The following THOP1 variants were observed in gnomAD, a reference collection of about 807,000 sequenced individuals.
THOP1 encodes thimet oligopeptidase 1.
In THOP1, 49 loss-of-function variants were observed where a neutral mutation model predicts 71.8. The ratio of observed to expected loss-of-function variants is 0.68; its 90% confidence interval spans 0.54 to 0.87. The LOEUF (loss-of-function observed/expected upper bound fraction) is 0.87, where lower values mean the gene tolerates loss of function less well. Among genes scored for constraint, THOP1 ranks in the 40% least tolerant of loss-of-function variants. THOP1 has a pLI of 0.00. For missense variants in THOP1, 843 were observed against 975.6 expected (o/e 0.86, Z 1.81); for synonymous variants, 426 against 421.5 (o/e 1.01, Z -0.13).
chr19:2,810,732 C>T lies in THOP1; in HGVS notation c.1735C>T (p.Leu579Phe). ...AGACCCCGCCGAGGAGTATGCGCGG[C>T]TCTGCCAGGAGATCCTCGGGGTCCC... ...DADPAEEYAR[L>F]CQEILGVPAT... The change falls in exon 11 of 13, where the codon CTC becomes TTC. Residue 579 changes from leucine (L) to phenylalanine (F), a missense_variant. Coordinates refer to ENST00000307741, the MANE Select transcript of THOP1 (RefSeq NM_003249.5). 2 of 1,599,612 alleles carry T rather than the reference C, an allele frequency of 1.3e-6. No individual in the cohort carries two copies. Among genetic ancestry groups the T allele is most frequent in the East Asian group, 2.2e-5 (1 of 44,484 alleles).
rs753018628 is a variant in THOP1 at position 2,808,371 on chromosome 19, C to T, written c.1382C>T (p.Ser461Leu). Residue 461 changes from serine (S) to leucine (L), a missense_variant, in exon 9 of 13, where the codon TCG becomes TTG. Transcript: ENST00000307741. ...ACCAAGCCCACAGCCGACGCGCCCT[C>T]GCTGCTGCAGCATGACGAGGTGGAG... ...NFTKPTADAP[S>L]LLQHDEVETY... The T allele has an allele frequency of 3.7e-6, 6 of 1,610,996 alleles. No individual in the cohort carries two copies. The highest frequency in any genetic ancestry group is 3.3e-5 in the Admixed American group (2 of 59,822).
intron 1 of THOP1, among the ~76,000 whole-genome samples, chr19:2,788,799 C>T (rs1051270408): frequency 1.3e-5 from 2 of 151,640 alleles, no homozygotes; most frequent in East Asian, 1.9e-4. Context: ...CTTGCTTTGT[C>T]GCCTAGGCTA....
chr19:2,812,549 C>T (rs1916504828), intron 12 of THOP1, among the ~76,000 whole-genome samples: 3 of 152,214 alleles, frequency 2.0e-5, no homozygotes, highest in Admixed American at 6.5e-5. Flanking sequence ...GGGGTCCCAC[C>T]TCTGAGGACC....
chr19:2,805,522 CT>C lies in THOP1; in HGVS notation c.750+348del, dbSNP rs1160760177. On this transcript the variant is annotated intron_variant, in intron 6 of 12. Coordinates refer to ENST00000307741, the MANE Select transcript of THOP1 (RefSeq NM_003249.5). The surrounding 1 kb of genome is among the most constrained non-coding windows in gnomAD (Gnocchi z 6.6). ...TGTCAGCCCAGATCATTCCTTTTGT[CT>C]TAAATGATGGTGCCCGGACCTGAGC... Among the ~76,000 whole-genome samples the C allele has an allele frequency of 1.3e-5, 2 of 152,214 alleles. No homozygotes were observed. The highest frequency in any genetic ancestry group is 2.4e-5 in the African/African-American group (1 of 41,448).
In THOP1 at chr19:2,805,168, T is replaced by C. The variant is rs574104983; in HGVS notation, c.742T>C (p.Cys248Arg). 13 of 1,611,652 alleles carry C rather than the reference T, an allele frequency of 8.1e-6. No homozygotes were observed. Among genetic ancestry groups the C allele is most frequent in the Non-Finnish European group, 1.1e-5 (13 of 1,179,404 alleles). Residue 248 changes from cysteine to arginine, a missense_variant, in exon 6 of 13, where the codon TGC becomes CGC. Physicochemically the swap from Cys to Arg is radical, Grantham distance 180. Coordinates refer to ENST00000307741, the MANE Select transcript of THOP1 (RefSeq NM_003249.5). This position sits in a 1 kb window ranked among gnomAD's most constrained non-coding sequence, Gnocchi z 6.6. Reference sequence around the variant, plus strand: ...AGTGGAGGAGGCCTTCAACTGCCGGTGCAAGGAGGTGAGAAGGCACGGCCA... The same window carrying C: ...AGTGGAGGAGGCCTTCAACTGCCGGCGCAAGGAGGTGAGAAGGCACGGCCA... Reference protein sequence around the residue: ...RKVEEAFNCRCKEENCAILKE... With the variant: ...RKVEEAFNCRRKEENCAILKE...
At position 2,796,137 on chromosome 19, in the gene THOP1, A is replaced by C. The variant is rs750356105; in HGVS notation, c.435A>C (p.Leu145=). Residue 145 remains leucine, a synonymous_variant, in exon 4 of 13, where the codon CTA becomes CTC. Coordinates refer to ENST00000307741, the MANE Select transcript of THOP1 (RefSeq NM_003249.5). The part of the protein sequence containing the change: ...RPEAARYLER[L]IKLGRRNGLH... ...AGGCTGCGCGGTACCTGGAGCGGCT[A>C]ATCAAGCTGGGCCGGAGAAATGGGC... 41 of 1,613,808 alleles carry C rather than the reference A, an allele frequency of 2.5e-5. No individual in the cohort carries two copies. Among genetic ancestry groups the C allele is most frequent in the Non-Finnish European group, 3.3e-5 (39 of 1,179,992 alleles).
intron 12 of THOP1, chr19:2,812,154 G>C: frequency 6.8e-7 from 1 of 1,469,110 alleles, no homozygotes. Context: ...CCCTTCTCTG[G>C]AGAAGGCTTG....
chr19:2,807,920 G>A, intron 8 of THOP1, 112 bp downstream of exon 8: 1 of 1,267,774 alleles, frequency 7.9e-7, no homozygotes, highest in South Asian at 1.6e-5. Context: ...TGGGGCCTCG[G>A]GGATGAACCC....
rs1444059805 is a variant in THOP1 at position 2,804,661 on chromosome 19, T to G, written c.590-355T>G. On this transcript the variant is annotated intron_variant, in intron 5 of 12. Transcript: ENST00000307741. The surrounding 1 kb of genome is among the most constrained non-coding windows in gnomAD (Gnocchi z 4.7). ...CTCCTCCCTTCACACATGAGGTTGGTGACGGCGCCCTGGAAGCCCACGATG... is the reference window on the plus strand; with the variant it reads ...CTCCTCCCTTCACACATGAGGTTGGGGACGGCGCCCTGGAAGCCCACGATG... The G allele has an allele frequency of 9.9e-6, 2 of 202,376 alleles. No homozygotes were observed. Among genetic ancestry groups the G allele is most frequent in the East Asian group, 1.4e-4 (1 of 7,306 alleles). 12.5% of individuals were successfully genotyped at this position (202,376 alleles called of 1,614,324 possible).
intron 1 of THOP1, among the ~76,000 whole-genome samples, chr19:2,787,434 A>T (rs779027691): frequency 6.6e-6 from 1 of 151,684 alleles, no homozygotes; most frequent in Non-Finnish European, 1.5e-5. Context: ...ACTGACGTCC[A>T]CAAGTTTTTC....
intron 5 of THOP1, among the ~76,000 whole-genome samples, chr19:2,803,319 T>C (rs887683942): frequency 6.6e-6 from 1 of 152,212 alleles, no homozygotes; most frequent in African/African-American, 2.4e-5. Flanking sequence ...AATCCACAAG[T>C]GCAGCGGGGC....
In THOP1 at chr19:2,804,686, G is replaced by A. The variant is rs937651281; in HGVS notation, c.590-330G>A. On this transcript the variant is annotated intron_variant, in intron 5 of 12. Coordinates refer to ENST00000307741, the MANE Select transcript of THOP1 (RefSeq NM_003249.5). This position sits in a 1 kb window ranked among gnomAD's most constrained non-coding sequence, Gnocchi z 4.7. ...TGACGGCGCCCTGGAAGCCCACGAT[G>A]TCCGGGGGTTGGGCTGGATTTAGCT... 2.2e-5 allele frequency: 5 copies of A among 227,340 alleles called. No homozygotes were observed. The highest frequency in any genetic ancestry group is 2.1e-4 in the South Asian group (2 of 9,404). 14.1% of individuals were successfully genotyped at this position (227,340 alleles called of 1,614,324 possible).
At position 2,810,448 on chromosome 19, in the gene THOP1, G is replaced by A. The variant is rs1377564941; in HGVS notation, c.1600G>A (p.Glu534Lys). 1.3e-6 allele frequency: 2 copies of A among 1,583,370 alleles called. No homozygotes were observed. Among genetic ancestry groups the A allele is most frequent in the Non-Finnish European group, 1.7e-6 (2 of 1,167,118 alleles). The change falls in exon 10 of 13, where the codon GAG (glutamate) becomes AAG (lysine). Residue 534 changes from glutamate (E) to lysine (K), a missense_variant. Physicochemically the swap from Glu to Lys is moderately conservative, Grantham distance 56. Transcript: ENST00000307741. Reference sequence around the variant, plus strand: ...CCGCACAGGCAGCGCCGTGCCCCGGGAGCTCCTGGAGAAGCTCATTGAGTC... The same window carrying A: ...CCGCACAGGCAGCGCCGTGCCCCGGAAGCTCCTGGAGAAGCTCATTGAGTC... The part of the protein sequence containing the change: ...HYRTGSAVPR[E>K]LLEKLIESRQ...
intron 5 of THOP1, among the ~76,000 whole-genome samples, chr19:2,800,671 G>C (rs937557020): frequency 6.6e-6 from 1 of 152,222 alleles, no homozygotes; most frequent in Non-Finnish European, 1.5e-5. Flanking sequence ...TGCCAAGCTT[G>C]GCTGCCAGCC....
At chr19:2,789,282 C>A (rs1308664910) in intron 1 of THOP1, among the ~76,000 whole-genome samples, 2 of 152,202 alleles carry the variant, frequency 1.3e-5, no homozygotes, top group African/African-American at 4.8e-5. Flanking sequence ...CCCCCTGGGC[C>A]CTGCACGGTT....
intron 11 of THOP1, among the ~76,000 whole-genome samples, chr19:2,811,357 C>T (rs944693044): frequency 1.1e-4 from 16 of 152,208 alleles, no homozygotes; most frequent in Non-Finnish European, 2.1e-4. Flanking sequence ...TGCTCTGTGG[C>T]AGCTGACAGC....
chr19:2,792,488 G>A (rs560807267), intron 2 of THOP1, among the ~76,000 whole-genome samples: 11 of 131,858 alleles, frequency 8.3e-5, no homozygotes, highest in African/African-American at 2.7e-4. Context: ...AACACACGGA[G>A]CCTCCTCCAG....
rs760934944 is a variant in THOP1 at position 2,805,623 on chromosome 19, A to G, written c.750+447A>G. ...CAGACGGCCGTTCCCACAGGGACAC[A>G]TGTAACTGTCCACGGCGCCATGGTG... On this transcript the variant is annotated intron_variant, in intron 6 of 12. Transcript: ENST00000307741. The surrounding 1 kb of genome is among the most constrained non-coding windows in gnomAD (Gnocchi z 6.6). Among the ~76,000 whole-genome samples, 9 of 152,114 alleles carry G rather than the reference A, an allele frequency of 5.9e-5. No homozygotes were observed. Among genetic ancestry groups the G allele is most frequent in the Non-Finnish European group, 1.2e-4 (8 of 68,016 alleles).
At chr19:2,787,659 G>A (rs117879050) in intron 1 of THOP1, among the ~76,000 whole-genome samples, 3 of 152,312 alleles carry the variant, frequency 2.0e-5, no homozygotes, top group Non-Finnish European at 4.4e-5. Context: ...TCAACTGACC[G>A]ACTGAGAGCC....
Sources: gnomAD v4.1 joint callset for allele counts (sites outside exome capture counted in the v4.1 genomes callset) on GRCh38, gnomAD v4.1.1 for gene constraint, Gnocchi (gnomAD v3.1) non-coding constraint, MANE v1.5 for transcripts, NCBI Gene and HGNC (gene_info 2026-07-23, HGNC 2026-07-21) for gene names.